The following DLC1 variants were observed in gnomAD, a reference collection of about 807,000 sequenced individuals.
DLC1 encodes rho GTPase-activating protein 7.
DLC1 carries 54 observed loss-of-function variants against 140.3 expected under a neutral mutation model. The ratio of observed to expected loss-of-function variants is 0.38; its 90% CI spans 0.31 to 0.48. DLC1 has a LOEUF of 0.48. DLC1 is among the 20% of genes least tolerant of loss of function. The pLI is 0.96. For synonymous variants in DLC1, 986 were observed against 728.1 expected (o/e 1.35, Z -5.70); for missense variants, 2,536 against 1,907.0 (o/e 1.33, Z -6.14).
chr8:13,420,572 C>G (rs1349718414), intron 2 of DLC1, among the ~76,000 whole-genome samples: 1 of 151,986 alleles, frequency 6.6e-6, no homozygotes, highest in Non-Finnish European at 1.5e-5. Context: ...CCCCTCAACC[C>G]CTGACAGGCC....
chr8:13,305,124 A>G (rs1832367314), intron 5 of DLC1, 145 bp downstream of exon 5: 1 of 1,344,018 alleles, frequency 7.4e-7, no homozygotes, highest in Admixed American at 3.2e-5. Flanking sequence ...TGAGCAAAAC[A>G]AATTTCTTTT....
chr8:13,368,275 A>G (rs928847274), intron 4 of DLC1, among the ~76,000 whole-genome samples: 4 of 151,796 alleles, frequency 2.6e-5, no homozygotes, highest in Non-Finnish European at 4.4e-5. Context: ...AGGACAGTAT[A>G]TTTTCCATTA....
In DLC1 at chr8:13,416,330, T is replaced by G. The variant is rs929654135; in HGVS notation, c.1024-14711A>C. 1.1e-4 allele frequency among the ~76,000 whole-genome samples: 17 copies of G among 152,078 alleles called. 1 individual carries two copies. Among genetic ancestry groups the G allele is most frequent in the African/African-American group, 4.1e-4 (17 of 41,402 alleles). ...GAAAACAATCTCCATAACCTAATAC[T>G]GAAAACAAAAGGAAGTTGCAAAATG... On this transcript the variant is annotated intron_variant, in intron 2 of 17. Transcript: ENST00000276297.
At chr8:13,348,778 C>T (rs760941989) in intron 4 of DLC1, among the ~76,000 whole-genome samples, 1 of 152,142 alleles carries the variant, frequency 6.6e-6, no homozygotes, top group Non-Finnish European at 1.5e-5. Flanking sequence ...AGATGTAATG[C>T]AAACCATATC....
intron 4 of DLC1, among the ~76,000 whole-genome samples, chr8:13,317,833 G>C (rs1277211471): frequency 6.6e-6 from 1 of 152,114 alleles, no homozygotes; most frequent in Non-Finnish European, 1.5e-5. Context: ...TTGTAGTCAA[G>C]AGTCCAGTTA....
chr8:13,338,418 T>A (rs1316334839), intron 4 of DLC1, among the ~76,000 whole-genome samples: 1 of 152,198 alleles, frequency 6.6e-6, no homozygotes, highest in Non-Finnish European at 1.5e-5. Context: ...GGCCCTTGCT[T>A]GATTTTTATT....
rs557496530 is a variant in DLC1, at chr8:13,228,317, C to T, written c.1348+76952G>A. On this transcript the variant is annotated intron_variant, in intron 5 of 17. Transcript: ENST00000276297. ...TAAAAAAAAAAAAAGGAAATACACACTTAGCAGGGAACATCTAAATAAAAG... is the reference window on the plus strand; with the variant it reads ...TAAAAAAAAAAAAAGGAAATACACATTTAGCAGGGAACATCTAAATAAAAG... 2.7e-5 allele frequency among the ~76,000 whole-genome samples: 4 copies of T among 150,146 alleles called. No homozygotes were observed. In the South Asian group the frequency reaches 8.4e-4, roughly 31 times the overall value.
At chr8:13,087,683 C>T (rs1437241097) in intron 16 of DLC1, among the ~76,000 whole-genome samples, 1 of 152,212 alleles carries the variant, frequency 6.6e-6, no homozygotes, top group African/African-American at 2.4e-5. Flanking sequence ...TTCTATTTCA[C>T]AAATGTCTTG....
intron 5 of DLC1, among the ~76,000 whole-genome samples, chr8:13,240,572 C>T (rs1384975317): frequency 6.6e-6 from 1 of 152,062 alleles, no homozygotes; most frequent in Non-Finnish European, 1.5e-5. Flanking sequence ...ACTACAGGCA[C>T]ATGCCACCAC....
chr8:13,510,458 A>T (rs1802310304), intron 1 of DLC1, among the ~76,000 whole-genome samples: 1 of 152,102 alleles, frequency 6.6e-6, no homozygotes, highest in East Asian at 1.9e-4. Flanking sequence ...TGATTAATTG[A>T]CTTATGCCTT....
chr8:13,295,955 T>TTG (rs1831933365), intron 5 of DLC1, among the ~76,000 whole-genome samples: 1 of 126,752 alleles, frequency 7.9e-6, no homozygotes. Context: ...TTTTTTTTTT[T>TTG]TTTTTTTTTT....
At chr8:13,123,675 A>C (rs368406795) in intron 5 of DLC1, among the ~76,000 whole-genome samples, 2 of 150,800 alleles carry the variant, frequency 1.3e-5, no homozygotes, top group East Asian at 3.9e-4. Flanking sequence ...TTCCTGTTTT[A>C]TTTTTTCTTC....
intron 2 of DLC1, among the ~76,000 whole-genome samples, chr8:13,419,547 A>T (rs1195689452): frequency 6.6e-6 from 1 of 152,202 alleles, no homozygotes; most frequent in Non-Finnish European, 1.5e-5. Context: ...ACCACCTGGC[A>T]TCCCAGGGAT....
At chr8:13,262,281 A>G (rs1586028110) in intron 5 of DLC1, among the ~76,000 whole-genome samples, 1 of 152,324 alleles carries the variant, frequency 6.6e-6, no homozygotes, top group African/African-American at 2.4e-5. Flanking sequence ...TGAAGAAGAG[A>G]ACAATTTTAA....
chr8:13,313,810 C>G (rs1832768643), intron 4 of DLC1, among the ~76,000 whole-genome samples: 1 of 151,568 alleles, frequency 6.6e-6, no homozygotes, highest in Admixed American at 6.6e-5. Context: ...CTTATTTTCC[C>G]TAAGTTTTAT....
intron 5 of DLC1, among the ~76,000 whole-genome samples, chr8:13,272,942 G>A (rs930783583): frequency 6.6e-6 from 1 of 152,050 alleles, no homozygotes; most frequent in East Asian, 1.9e-4. Context: ...TATTTTAAAG[G>A]CATTATCCTT....
At chr8:13,275,931 G>A (rs1293332399) in intron 5 of DLC1, among the ~76,000 whole-genome samples, 1 of 152,114 alleles carries the variant, frequency 6.6e-6, no homozygotes, top group Non-Finnish European at 1.5e-5. Flanking sequence ...TGCAGCAGTT[G>A]TTCATCACTA....
intron 5 of DLC1, among the ~76,000 whole-genome samples, chr8:13,230,032 T>C (rs1466337733): frequency 1.3e-5 from 2 of 152,218 alleles, no homozygotes; most frequent in African/African-American, 4.8e-5. Flanking sequence ...ATCTCTTCTG[T>C]GGTAGCTGCA....
chr8:13,233,626 A>G (rs902527043), intron 5 of DLC1, among the ~76,000 whole-genome samples: 3 of 152,230 alleles, frequency 2.0e-5, no homozygotes, highest in African/African-American at 7.2e-5. Context: ...TAAAGATGCT[A>G]TAATATCATA....
Sources: allele counts gnomAD v4.1 joint callset (sites outside exome capture counted in the v4.1 genomes callset), GRCh38; gene constraint gnomAD v4.1.1; transcripts MANE v1.5; gene names NCBI Gene and HGNC (gene_info 2026-07-23, HGNC 2026-07-21).